Variants in FKBP5 observed in about 807,000 individuals in gnomAD.
FKBP5 encodes peptidyl-prolyl cis-trans isomerase FKBP5.
FKBP5 carries 23 observed loss-of-function variants against 50.5 expected under a neutral mutation model. The ratio of observed to expected loss-of-function variants is 0.46; its 90% confidence interval spans 0.33 to 0.65. FKBP5 has a LOEUF of 0.65. FKBP5 is among the 30% of genes least tolerant of loss of function. FKBP5 has a pLI of 0.02. For synonymous variants in FKBP5, 176 were observed against 190.6 expected, an observed-to-expected ratio of 0.92 and a Z score of 0.63; for missense variants, 411 against 553.1, an observed-to-expected ratio of 0.74 and a Z score of 2.58.
chr6:35,640,076 C>T (rs1764435161), intron 2 of FKBP5, among the ~76,000 whole-genome samples: 2 of 152,166 alleles, frequency 1.3e-5, no homozygotes, highest in Non-Finnish European at 2.9e-5. Flanking sequence ...AAAAGAAATG[C>T]ACGTGAAAAT....
At chr6:35,683,946 T>A (rs1470893285) in intron 1 of FKBP5, among the ~76,000 whole-genome samples, 1 of 152,064 alleles carries the variant, frequency 6.6e-6, no homozygotes, top group East Asian at 1.9e-4. Flanking sequence ...TAATCCCAGC[T>A]ACTCAGGAGG....
intron 1 of FKBP5, among the ~76,000 whole-genome samples, chr6:35,682,688 C>T (rs1765701461): frequency 6.6e-6 from 1 of 151,994 alleles, no homozygotes; most frequent in African/African-American, 2.4e-5. Context: ...TCTGATTTTT[C>T]TTCATCTCTT....
chr6:35,695,173 T>C (rs1766062103), intron 2 of FKBP5, among the ~76,000 whole-genome samples: 1 of 152,224 alleles, frequency 6.6e-6, no homozygotes, highest in Non-Finnish European at 1.5e-5. Context: ...ATTTTTGTTT[T>C]GTTTTTTCAA....
chr6:35,623,142 T>TG (rs1763897032), intron 3 of FKBP5, among the ~76,000 whole-genome samples: 1 of 152,184 alleles, frequency 6.6e-6, no homozygotes, highest in African/African-American at 2.4e-5. Context: ...CTCCGGAGGC[T>TG]GAGGCAGGAG....
intron 2 of FKBP5, among the ~76,000 whole-genome samples, chr6:35,710,376 G>A (rs910969873): frequency 6.6e-6 from 1 of 151,888 alleles, no homozygotes; most frequent in African/African-American, 2.4e-5. Context: ...CTCAGTGGGA[G>A]GATCACCTGA....
intron 6 of FKBP5, among the ~76,000 whole-genome samples, chr6:35,595,883 A>G (rs1762969914): frequency 6.6e-6 from 1 of 152,238 alleles, no homozygotes; most frequent in Non-Finnish European, 1.5e-5. Flanking sequence ...AATATAGAGT[A>G]AATATTAATA....
chr6:35,585,720 A>T, intron 8 of FKBP5: 1 of 959,942 alleles, frequency 1.0e-6, no homozygotes, highest in Non-Finnish European at 1.2e-6. Context: ...AGAAATATGC[A>T]ATCCAGTACT....
intron 5 of FKBP5, among the ~76,000 whole-genome samples, chr6:35,613,331 C>A (rs1763549055): frequency 6.6e-6 from 1 of 152,190 alleles, no homozygotes; most frequent in African/African-American, 2.4e-5. Flanking sequence ...TCTCCTGCCT[C>A]ACCCTCCCAA....
intron 3 of FKBP5, among the ~76,000 whole-genome samples, chr6:35,626,477 A>T (rs1003164129): frequency 2.6e-5 from 4 of 151,222 alleles, no homozygotes; most frequent in Non-Finnish European, 4.4e-5. Flanking sequence ...CTTGAGTTTT[A>T]AAAAAAACGC....
chr6:35,657,371 G>C (rs868752528), intron 1 of FKBP5, among the ~76,000 whole-genome samples: 4 of 152,284 alleles, frequency 2.6e-5, no homozygotes, highest in Middle Eastern at 3.4e-3. Context: ...TGGAGGCTCC[G>C]GGAGAGCACT....
At chr6:35,582,869 G>A in intron 8 of FKBP5, 11 of 967,552 alleles carry the variant, frequency 1.1e-5, no homozygotes, top group Non-Finnish European at 1.4e-5. Context: ...GCACCAAGAG[G>A]TCTTTAATAA....
chr6:35,629,511 A>G (rs1764092045), intron 3 of FKBP5, among the ~76,000 whole-genome samples: 1 of 132,932 alleles, frequency 7.5e-6, no homozygotes, highest in Admixed American at 8.4e-5. Flanking sequence ...TTATAATTAA[A>G]ACAAACAAAC....
chr6:35,700,211 A>G (rs1161801139), intron 2 of FKBP5, among the ~76,000 whole-genome samples: 1 of 151,724 alleles, frequency 6.6e-6, no homozygotes, highest in African/African-American at 2.4e-5. Context: ...TCCAGGCTGG[A>G]GTACAGTGGT....
chr6:35,576,956 C>A, intron 10 of FKBP5, 38 bp downstream of exon 10: 1 of 1,606,270 alleles, frequency 6.2e-7, no homozygotes, highest in Non-Finnish European at 8.5e-7. Flanking sequence ...CATGGTCAGG[C>A]TCTTGATCCA....
Position 35,605,637 on chromosome 6 carries a change from A to T in FKBP5, c.509-8233T>A, listed in dbSNP as rs571783919. ...GGTCTTGAACTCCTAGGCTCATGCA[A>T]TCCTCCTGCCTCGGCCTTCCAAAGT... On this transcript the variant is annotated intron_variant, in intron 5 of 10. Coordinates refer to ENST00000357266, the MANE Select transcript of FKBP5 (RefSeq NM_004117.4). Among the ~76,000 whole-genome samples, 7 of 152,112 alleles carry T rather than the reference A, an allele frequency of 4.6e-5. No individual in the cohort carries two copies. The South Asian group carries it at 1.5e-3, about 32-fold the overall frequency.
chr6:35,621,626 A>AG (rs1763846646), intron 3 of FKBP5, among the ~76,000 whole-genome samples: 1 of 151,010 alleles, frequency 6.6e-6, no homozygotes, highest in African/African-American at 2.4e-5. Flanking sequence ...TCCAAAAAAA[A>AG]AAAAAAAAAG....
chr6:35,725,704 T>C (rs73419740), intron 1 of FKBP5, among the ~76,000 whole-genome samples: 137 of 152,176 alleles, frequency 9.0e-4, no homozygotes, highest in African/African-American at 3.2e-3. Flanking sequence ...GACAGCAGGA[T>C]GCCACAGCTA....
intron 1 of FKBP5, among the ~76,000 whole-genome samples, chr6:35,721,647 T>C (rs1766613280): frequency 6.6e-6 from 1 of 152,170 alleles, no homozygotes; most frequent in African/African-American, 2.4e-5. Context: ...AGAGACGGGA[T>C]TTCTCCATGT....
intron 1 of FKBP5, chr6:35,688,584 C>G (rs1765905684): frequency 1.3e-5 from 2 of 150,870 alleles, no homozygotes; most frequent in Non-Finnish European, 3.0e-5. Context: ...GCCCCTGGGG[C>G]GCGGCGAGGG....
Sources: allele counts gnomAD v4.1 joint callset (sites outside exome capture counted in the v4.1 genomes callset), GRCh38; gene constraint gnomAD v4.1.1; transcripts MANE v1.5; gene names NCBI Gene and HGNC (gene_info 2026-07-23, HGNC 2026-07-21).